ACBD6: variants seen among roughly 807,000 people sequenced by gnomAD.
ACBD6 encodes acyl-CoA-binding domain-containing protein 6.
A neutral mutation model predicts 37.2 loss-of-function variants in ACBD6; 28 were observed. That is an observed-to-expected ratio of 0.75 (90% CI 0.56 to 1.03). ACBD6 has a LOEUF of 1.03. Among genes scored for constraint, ACBD6 ranks in the 50% least tolerant of loss-of-function variants. The pLI is 0.00. For synonymous variants in ACBD6, 113 were observed against 126.8 expected, an observed-to-expected ratio of 0.89 and a Z score of 0.73; for missense variants, 340 against 337.4, an observed-to-expected ratio of 1.01 and a Z score of -0.06.
chr1:180,432,856 G>A (rs1648865436), intron 3 of ACBD6, among the ~76,000 whole-genome samples: 1 of 151,076 alleles, frequency 6.6e-6, no homozygotes, highest in South Asian at 2.1e-4. Flanking sequence ...ACTGAATCAC[G>A]AAGAAATCAA....
chr1:180,436,052 A>G, intron 3 of ACBD6: 1 of 628,256 alleles, frequency 1.6e-6, no homozygotes, highest in East Asian at 2.7e-5. Flanking sequence ...ATTGCTAAAT[A>G]TGTTAGACCT....
At chr1:180,345,214 C>T (rs931880477) in intron 6 of ACBD6, among the ~76,000 whole-genome samples, 1 of 152,104 alleles carries the variant, frequency 6.6e-6, no homozygotes, top group East Asian at 1.9e-4. Flanking sequence ...ACTCAATATA[C>T]CTTAATCCAC....
chr1:180,282,011 T>A (rs1471867771), intron 8 of ACBD6, among the ~76,000 whole-genome samples: 3 of 152,254 alleles, frequency 2.0e-5, no homozygotes, highest in Non-Finnish European at 4.4e-5. Flanking sequence ...ATTTTTGCCA[T>A]TGTGATTTCA....
chr1:180,287,221 A>G (rs1172047262), downstream of ACBD6: 3 of 151,868 alleles, frequency 2.0e-5, no homozygotes, highest in Admixed American at 2.0e-4. Flanking sequence ...AGGAACACAG[A>G]GAGACCCTAT....
chr1:180,381,658 T>G (rs1558274777), intron 6 of ACBD6, among the ~76,000 whole-genome samples: 1 of 152,108 alleles, frequency 6.6e-6, no homozygotes, highest in Non-Finnish European at 1.5e-5. Flanking sequence ...TAAAAAAAAT[T>G]TATTGAACCA....
At chr1:180,334,328 A>ACGAT (rs1651614792) in intron 6 of ACBD6, among the ~76,000 whole-genome samples, 1 of 152,188 alleles carries the variant, frequency 6.6e-6, no homozygotes, top group Admixed American at 6.5e-5. Context: ...TTCCAGAGGA[A>ACGAT]CGATCAGGCA....
At chr1:180,285,928 T>C (rs1649483580), downstream of ACBD6, among the ~76,000 whole-genome samples, 1 of 152,186 alleles carries the variant, frequency 6.6e-6, no homozygotes, top group South Asian at 2.1e-4. Context: ...ACATCTTTAT[T>C]AGAAACATAA....
At chr1:180,376,814 A>G (rs1233887812) in intron 6 of ACBD6, among the ~76,000 whole-genome samples, 2 of 152,194 alleles carry the variant, frequency 1.3e-5, no homozygotes, top group Non-Finnish European at 2.9e-5. Context: ...GCTCATATCT[A>G]TAGTAATGTT....
Position 180,502,048 on chromosome 1 carries a change from T to C in ACBD6, c.219A>G (p.Lys73=). 1.2e-6 allele frequency: 2 copies of C among 1,613,538 alleles called. No homozygotes were observed. The highest frequency in any genetic ancestry group is 1.7e-6 in the Non-Finnish European group (2 of 1,179,762). ...EQLLYLYARY[K]QVKVGNCNTP... ...CACCCTCTCCCTGCTACTTTACCTG[T>C]TTGTACCTGGCATACAGGTACAAGA... The change falls in exon 1 of 8, where the codon AAA becomes AAG. Residue 73 remains lysine, a synonymous_variant. Coordinates refer to ENST00000367595, the MANE Select transcript of ACBD6 (RefSeq NM_032360.4).
intron 9 of ACBD6, chr1:180,278,836 AAG>A (rs1250279816): frequency 1.3e-5 from 2 of 149,980 alleles, no homozygotes; most frequent in African/African-American, 5.1e-5. Flanking sequence ...AAAAGAAAAA[AAG>A]AAAAAAAAAA....
chr1:180,462,805 C>A (rs1047317414), intron 3 of ACBD6, among the ~76,000 whole-genome samples: 1 of 152,224 alleles, frequency 6.6e-6, no homozygotes, highest in African/African-American at 2.4e-5. Flanking sequence ...ATGGTACTGA[C>A]TCTAAAATCG....
At position 180,430,208 on chromosome 1, in the gene ACBD6, T is replaced by C. The variant is rs1236162421; in HGVS notation, c.439A>G (p.Ser147Gly). Residue 147 changes from serine to glycine, a missense_variant, in exon 4 of 8, where the codon AGT becomes GGT. Coordinates refer to ENST00000367595, the MANE Select transcript of ACBD6 (RefSeq NM_032360.4). ...ANTGFGGPVI[S>G]SLYHEETIRE... Reference sequence around the variant, plus strand: ...ATGGTTTCTTCATGATATAGAGAACTAATAACTGGCCCACCAAAACCTGTA... The same window carrying C: ...ATGGTTTCTTCATGATATAGAGAACCAATAACTGGCCCACCAAAACCTGTA... 1.9e-6 allele frequency: 3 copies of C among 1,613,362 alleles called. No individual in the cohort carries two copies. Among genetic ancestry groups the C allele is most frequent in the African/African-American group, 1.3e-5 (1 of 74,908 alleles).
chr1:180,374,225 G>A (rs1198864429), intron 6 of ACBD6, among the ~76,000 whole-genome samples: 1 of 152,150 alleles, frequency 6.6e-6, no homozygotes, highest in East Asian at 1.9e-4. Flanking sequence ...TATTTTTTAA[G>A]TACAGCAACT....
chr1:180,430,344 T>C, intron 3 of ACBD6, 82 bp from the exon 4 acceptor site: 1 of 1,225,984 alleles, frequency 8.2e-7, no homozygotes, highest in Non-Finnish European at 1.2e-6. Context: ...AAATGTTATT[T>C]TGCTAAGAAA....
chr1:180,480,893 T>C (rs1651009918), intron 3 of ACBD6, among the ~76,000 whole-genome samples: 1 of 151,982 alleles, frequency 6.6e-6, no homozygotes, highest in Non-Finnish European at 1.5e-5. Flanking sequence ...TAACTGGGCA[T>C]GGTGGCATGT....
At chr1:180,361,291 T>TA (rs61661757) in intron 6 of ACBD6, among the ~76,000 whole-genome samples, 1 of 149,842 alleles carries the variant, frequency 6.7e-6, no homozygotes, top group Non-Finnish European at 1.5e-5. Flanking sequence ...TTTTTTTTTT[T>TA]AAACAGGTGC....
intron 3 of ACBD6, chr1:180,435,082 C>A: frequency 1.3e-6 from 1 of 790,274 alleles, no homozygotes; most frequent in Non-Finnish European, 2.3e-6. Flanking sequence ...CTGAAGCTTA[C>A]CTTCAATTCA....
intron 3 of ACBD6, among the ~76,000 whole-genome samples, chr1:180,471,529 G>A (rs1327034413): frequency 6.6e-6 from 1 of 152,044 alleles, no homozygotes; most frequent in African/African-American, 2.4e-5. Context: ...AGTTCCACAT[G>A]GCTGGGGAGG....
chr1:180,461,596 T>C (rs1338203885), intron 3 of ACBD6, among the ~76,000 whole-genome samples: 1 of 152,256 alleles, frequency 6.6e-6, no homozygotes, highest in Middle Eastern at 3.4e-3. Flanking sequence ...CCAGAAGAGA[T>C]TTGAGGCCAA....
Sources: allele counts gnomAD v4.1 joint callset (sites outside exome capture counted in the v4.1 genomes callset), GRCh38; gene constraint gnomAD v4.1.1; transcripts MANE v1.5; gene names NCBI Gene and HGNC (gene_info 2026-07-23, HGNC 2026-07-21).